The following PRKAG2 variants were observed in gnomAD, a reference collection of about 807,000 sequenced individuals.
PRKAG2 encodes 5'-AMP-activated protein kinase subunit gamma-2.
In PRKAG2, 26 loss-of-function variants were observed where a neutral mutation model predicts 69.6. The ratio of observed to expected loss-of-function variants is 0.37; its 90% confidence interval spans 0.27 to 0.52. The LOEUF (loss-of-function observed/expected upper bound fraction) is 0.52, where lower values mean the gene tolerates loss of function less well. PRKAG2 is among the 20% of genes least tolerant of loss of function. The probability of loss-of-function intolerance (pLI) is 0.90; values close to 1 mark genes in which losing one functional copy is unlikely to be tolerated. For missense variants in PRKAG2, 557 were observed against 740.0 expected (o/e 0.75, Z 2.87); for synonymous variants, 293 against 285.0 (o/e 1.03, Z -0.28).
chr7:151,605,458 G>A (rs1344981966), intron 5 of PRKAG2, among the ~76,000 whole-genome samples: 2 of 151,584 alleles, frequency 1.3e-5, no homozygotes, highest in Non-Finnish European at 2.9e-5. Flanking sequence ...TTTATGGCTG[G>A]GTGCAGTGGC....
At chr7:151,811,207 G>C (rs143430640) in intron 1 of PRKAG2, among the ~76,000 whole-genome samples, 2 of 152,386 alleles carry the variant, frequency 1.3e-5, no homozygotes, top group East Asian at 3.9e-4. Flanking sequence ...GCTGGGCTCT[G>C]CCAGGACAGG....
At chr7:151,841,775 G>A (rs1275107725) in intron 1 of PRKAG2, among the ~76,000 whole-genome samples, 6 of 146,964 alleles carry the variant, frequency 4.1e-5, no homozygotes, top group Non-Finnish European at 3.0e-5. Flanking sequence ...ATGGTAGGTA[G>A]TGATGATGGT....
chr7:151,725,560 GA>G (rs1019164782), intron 3 of PRKAG2, among the ~76,000 whole-genome samples: 104 of 125,906 alleles, frequency 8.3e-4, no homozygotes, highest in East Asian at 3.0e-3. Flanking sequence ...CCGCAGTGAA[GA>G]AAAAAAAAAA....
intron 6 of PRKAG2, among the ~76,000 whole-genome samples, chr7:151,584,780 T>A (rs1293288843): frequency 6.6e-6 from 1 of 152,118 alleles, no homozygotes; most frequent in Non-Finnish European, 1.5e-5. Flanking sequence ...GCCTGTAGTC[T>A]CAGCTACTTG....
intron 1 of PRKAG2, chr7:151,806,548 A>T (rs1444862288): frequency 6.1e-6 from 1 of 165,158 alleles, no homozygotes; most frequent in Non-Finnish European, 1.3e-5. Context: ...CTGATCAGGA[A>T]GGCTGGTACC....
intron 14 of PRKAG2, among the ~76,000 whole-genome samples, chr7:151,562,307 C>T (rs1046452060): frequency 3.3e-5 from 5 of 150,212 alleles, no homozygotes; most frequent in African/African-American, 1.2e-4. Flanking sequence ...AGCTCTGTGC[C>T]GGCTGCGCCC....
At chr7:151,748,980 A>T (rs929456116) in intron 3 of PRKAG2, among the ~76,000 whole-genome samples, 6 of 146,118 alleles carry the variant, frequency 4.1e-5, no homozygotes, top group African/African-American at 1.4e-4. Flanking sequence ...GCTTTAGGCA[A>T]CATGGGGCTG....
At chr7:151,793,520 G>A (rs1189423969) in intron 1 of PRKAG2, among the ~76,000 whole-genome samples, 1 of 152,250 alleles carries the variant, frequency 6.6e-6, no homozygotes, top group African/African-American at 2.4e-5. Context: ...AGCTGCGTGT[G>A]GCATCTCCAG....
chr7:151,615,017 C>T (rs767349369), intron 5 of PRKAG2, among the ~76,000 whole-genome samples: 12 of 152,048 alleles, frequency 7.9e-5, no homozygotes, highest in Non-Finnish European at 1.5e-4. Flanking sequence ...GAGGGAACCC[C>T]GAGACAGAAG....
At chr7:151,587,979 C>T (rs191442665) in intron 6 of PRKAG2, among the ~76,000 whole-genome samples, 396 of 152,078 alleles carry the variant, frequency 2.6e-3, no homozygotes, top group Middle Eastern at 3.4e-3. Context: ...ACTAGCTTTG[C>T]CATGTTTCTG....
At position 151,784,638 on chromosome 7, in the gene PRKAG2, G is replaced by T. The variant is rs570539487; in HGVS notation, c.186+1832C>A. The stretch of plus-strand genomic sequence containing the variant: ...TCACTTGGGCCACCATGAGGGTGGG[G>T]GTCACGGGGGAAGTTGAGCCATGAG... On this transcript the variant is annotated intron_variant, in intron 2 of 15. Transcript: ENST00000287878. Among the ~76,000 whole-genome samples the T allele has an allele frequency of 2.0e-5, 3 of 152,298 alleles. No individual in the cohort carries two copies. In the East Asian group the frequency reaches 5.8e-4, roughly 29 times the overall value.
intron 10 of PRKAG2, among the ~76,000 whole-genome samples, chr7:151,569,273 G>T (rs527423641): frequency 2.0e-5 from 3 of 152,276 alleles, no homozygotes; most frequent in African/African-American, 7.2e-5. Flanking sequence ...GAGCTTAAGC[G>T]ATCCACCCAC....
At chr7:151,669,327 C>A (rs943398514) in intron 4 of PRKAG2, among the ~76,000 whole-genome samples, 6 of 152,214 alleles carry the variant, frequency 3.9e-5, no homozygotes, top group Non-Finnish European at 8.8e-5. Context: ...CTGCTGTCGA[C>A]CCTGCCACTA....
At chr7:151,866,700 C>A (rs1052519602) in intron 1 of PRKAG2, among the ~76,000 whole-genome samples, 2 of 152,136 alleles carry the variant, frequency 1.3e-5, no homozygotes, top group Non-Finnish European at 2.9e-5. Flanking sequence ...TCAAGCCCAC[C>A]ACCCCATGGC....
chr7:151,565,568 T>C, intron 12 of PRKAG2, 152 bp downstream of exon 12: 1 of 1,152,726 alleles, frequency 8.7e-7, no homozygotes, highest in Non-Finnish European at 1.2e-6. Context: ...AATTAAACTT[T>C]TTTTACGATC....
At chr7:151,669,226 G>A (rs1419524299) in intron 4 of PRKAG2, among the ~76,000 whole-genome samples, 1 of 152,132 alleles carries the variant, frequency 6.6e-6, no homozygotes, top group Non-Finnish European at 1.5e-5. Flanking sequence ...TACAGCCCCT[G>A]TCCTCTCTCT....
At chr7:151,782,633 C>T (rs866737292) in intron 2 of PRKAG2, among the ~76,000 whole-genome samples, 1 of 152,220 alleles carries the variant, frequency 6.6e-6, no homozygotes, top group South Asian at 2.1e-4. Flanking sequence ...CCTGCCCTGC[C>T]TCTGGGTGCC....
chr7:151,664,545 A>T (rs1830758826), intron 4 of PRKAG2, among the ~76,000 whole-genome samples: 1 of 151,938 alleles, frequency 6.6e-6, no homozygotes, highest in South Asian at 2.1e-4. Flanking sequence ...TTGTCATCTC[A>T]CACTCACTTT....
chr7:151,628,899 G>A (rs533305619), intron 5 of PRKAG2, among the ~76,000 whole-genome samples: 12 of 152,302 alleles, frequency 7.9e-5, no homozygotes, highest in Admixed American at 4.6e-4. Context: ...AGTACAGAGG[G>A]TATTCAGAGA....
Sources: allele counts gnomAD v4.1 joint callset (sites outside exome capture counted in the v4.1 genomes callset), GRCh38; gene constraint gnomAD v4.1.1; transcripts MANE v1.5; gene names NCBI Gene and HGNC (gene_info 2026-07-23, HGNC 2026-07-21).